The following RIMS2 variants were observed in gnomAD, a reference collection of about 807,000 sequenced individuals.
RIMS2 encodes the protein regulating synaptic membrane exocytosis protein 2.
In RIMS2, 59 loss-of-function variants were observed where a neutral mutation model predicts 174.4. That is an observed-to-expected ratio of 0.34 (90% CI 0.27 to 0.42). The LOEUF is 0.42. Ranked by LOEUF, RIMS2 falls within the 10% of genes least tolerant of loss-of-function variation. The pLI is 1.00. For missense variants in RIMS2, 1,620 were observed against 1,666.3 expected (o/e 0.97, Z 0.48); for synonymous variants, 606 against 572.5 (o/e 1.06, Z -0.84).
chr8:103,844,165 T>C (rs1336061444), intron 3 of RIMS2, among the ~76,000 whole-genome samples: 2 of 152,226 alleles, frequency 1.3e-5, no homozygotes, highest in African/African-American at 4.8e-5. Flanking sequence ...CTTTCCTTTG[T>C]AAATTGCCCA....
chr8:103,898,969 G>A (rs1409081028), intron 4 of RIMS2, among the ~76,000 whole-genome samples: 2 of 151,066 alleles, frequency 1.3e-5, no homozygotes, highest in Non-Finnish European at 2.9e-5. Context: ...AGAACATGCA[G>A]GGTTTGGTTT....
chr8:103,607,257 A>T (rs551776718), intron 1 of RIMS2, among the ~76,000 whole-genome samples: 1 of 152,182 alleles, frequency 6.6e-6, no homozygotes, highest in African/African-American at 2.4e-5. Context: ...TCCTTCACTT[A>T]TGAAGCTTAG....
In RIMS2 at chr8:103,842,873, C is replaced by T. The variant is rs114491200; in HGVS notation, c.699-42425C>T. On this transcript the variant is annotated intron_variant, in intron 3 of 23. Coordinates refer to ENST00000504942, the Ensembl canonical transcript of RIMS2. Reference sequence around the variant, plus strand: ...CTGGATTCTAGAAGTCCAAGATCAACGTGTCAGGAGGTTTGGTTTCTTCTG... The same window carrying T: ...CTGGATTCTAGAAGTCCAAGATCAATGTGTCAGGAGGTTTGGTTTCTTCTG... Among the ~76,000 whole-genome samples the T allele has an allele frequency of 9.5e-4, 144 of 152,316 alleles. 1 individual carries two copies. The highest frequency in any genetic ancestry group is 2.9e-3 in the African/African-American group (119 of 41,580).
chr8:104,038,815 A>G (rs1277072336), intron 19 of RIMS2, among the ~76,000 whole-genome samples: 1 of 151,896 alleles, frequency 6.6e-6, no homozygotes, highest in Non-Finnish European at 1.5e-5. Context: ...AAAATGTTTT[A>G]AATATATCTG....
intron 19 of RIMS2, among the ~76,000 whole-genome samples, chr8:104,108,420 T>C (rs2098118004): frequency 6.6e-6 from 1 of 152,042 alleles, no homozygotes; most frequent in Non-Finnish European, 1.5e-5. Flanking sequence ...GCCTCCCAAG[T>C]AGCTAGGACT....
chr8:103,825,611 C>T (rs1013202259), intron 3 of RIMS2, among the ~76,000 whole-genome samples: 5 of 152,018 alleles, frequency 3.3e-5, no homozygotes, highest in African/African-American at 9.7e-5. Context: ...AAACATTCAT[C>T]CATATTGTGG....
intron 1 of RIMS2, among the ~76,000 whole-genome samples, chr8:103,542,627 A>T (rs1389150289): frequency 1.3e-5 from 2 of 152,208 alleles, no homozygotes; most frequent in Admixed American, 1.3e-4. Context: ...TCCTCAATGA[A>T]ATACTAGCAA....
intron 12 of RIMS2, 96 bp downstream of exon 14, chr8:103,931,489 A>T: frequency 1.3e-6 from 1 of 796,842 alleles, no homozygotes; most frequent in Non-Finnish European, 1.9e-6. Context: ...TTGGTATCAT[A>T]CTAGTGAGAT....
chr8:104,175,549 GT>G (rs1189099042), intron 19 of RIMS2, among the ~76,000 whole-genome samples: 3 of 152,006 alleles, frequency 2.0e-5, no homozygotes, highest in African/African-American at 7.2e-5. Context: ...TATTCATTCT[GT>G]TTTTGTACCC....
intron 3 of RIMS2, among the ~76,000 whole-genome samples, chr8:103,858,099 T>C (rs374687761): frequency 6.6e-6 from 1 of 152,314 alleles, no homozygotes; most frequent in African/African-American, 2.4e-5. Flanking sequence ...ATACCTCTCC[T>C]GTTTAAAATG....
chr8:103,785,543 T>G (rs1347250616), intron 3 of RIMS2, among the ~76,000 whole-genome samples: 1 of 152,080 alleles, frequency 6.6e-6, no homozygotes, highest in Non-Finnish European at 1.5e-5. Flanking sequence ...GGTTTTTGTC[T>G]TTGGTTCTGT....
intron 1 of RIMS2, among the ~76,000 whole-genome samples, chr8:103,510,876 T>TG (rs1826130894): frequency 6.6e-6 from 1 of 152,132 alleles, no homozygotes; most frequent in African/African-American, 2.4e-5. Flanking sequence ...AGAACATCTT[T>TG]GGGGGGCCAT....
intron 1 of RIMS2, among the ~76,000 whole-genome samples, chr8:103,529,014 C>T (rs1386000722): frequency 2.6e-5 from 4 of 152,152 alleles, no homozygotes; most frequent in Non-Finnish European, 5.9e-5. Context: ...CTGAGTCTTC[C>T]TATCCATGAG....
chr8:103,555,023 C>T (rs571322979), intron 1 of RIMS2, among the ~76,000 whole-genome samples: 2 of 152,098 alleles, frequency 1.3e-5, no homozygotes, highest in Non-Finnish European at 2.9e-5. Flanking sequence ...GACATCAGGG[C>T]CTACTTGAGC....
chr8:103,989,274 C>G, intron 16 of RIMS2, 31 bp from the exon 19 acceptor site: 5 of 1,256,544 alleles, frequency 4.0e-6, no homozygotes, highest in Non-Finnish European at 5.8e-6. Context: ...AAATGGTTTA[C>G]TAAGATATTG....
chr8:103,789,499 A>T (rs545324510), intron 3 of RIMS2, among the ~76,000 whole-genome samples: 1 of 152,244 alleles, frequency 6.6e-6, no homozygotes, highest in South Asian at 2.1e-4. Context: ...AAATCACCTC[A>T]CTTTGTCATA....
intron 4 of RIMS2, among the ~76,000 whole-genome samples, chr8:103,892,483 T>G (rs2099252415): frequency 6.6e-6 from 1 of 151,998 alleles, no homozygotes; most frequent in Non-Finnish European, 1.5e-5. Flanking sequence ...GGACTACAGT[T>G]GTGAGCCACC....
At chr8:103,577,114 G>C (rs889231408) in intron 1 of RIMS2, among the ~76,000 whole-genome samples, 2 of 151,996 alleles carry the variant, frequency 1.3e-5, no homozygotes, top group African/African-American at 4.8e-5. Context: ...ACAGCAGAAG[G>C]AACTATCATC....
At chr8:103,567,780 A>G (rs910343297) in intron 1 of RIMS2, among the ~76,000 whole-genome samples, 6 of 152,170 alleles carry the variant, frequency 3.9e-5, no homozygotes, top group African/African-American at 1.4e-4. Flanking sequence ...TCCCACCAGC[A>G]ATGTGTGAGG....
Sources: gnomAD v4.1 joint callset for allele counts (sites outside exome capture counted in the v4.1 genomes callset) on GRCh38, gnomAD v4.1.1 for gene constraint, MANE v1.5 for transcripts, NCBI Gene and HGNC (gene_info 2026-07-23, HGNC 2026-07-21) for gene names.